The following NPAS3 variants were observed in gnomAD, a reference collection of about 807,000 sequenced individuals.
The protein encoded by NPAS3 is neuronal PAS domain protein 3.
A neutral mutation model predicts 73.1 loss-of-function variants in NPAS3; 14 were observed. The ratio of observed to expected loss-of-function variants is 0.19; its 90% CI spans 0.13 to 0.30. The LOEUF is 0.30. Among genes scored for constraint, NPAS3 ranks in the 10% least tolerant of loss-of-function variants. NPAS3 has a pLI of 1.00. For missense variants in NPAS3, 1,096 were observed against 1,250.0 expected (o/e 0.88, Z 1.86); for synonymous variants, 620 against 541.5 (o/e 1.14, Z -2.01).
Position 33,026,417 on chromosome 14 carries a change from C to T in NPAS3, c.51-29488C>T, listed in dbSNP as rs116426801. 2.9e-3 allele frequency among the ~76,000 whole-genome samples: 444 copies of T among 152,288 alleles called. 4 individuals carry two copies. Among genetic ancestry groups the T allele is most frequent in the African/African-American group, 0.01 (419 of 41,558 alleles). On this transcript the variant is annotated intron_variant, in intron 1 of 11. Transcript: ENST00000356141. ...TCCTCCTTGTATCTGCAGTCTTTGC[C>T]ATAGTTTCTGGTCCAGTAGCTATTC...
At chr14:33,159,982 A>C (rs2044800258) in intron 2 of NPAS3, among the ~76,000 whole-genome samples, 1 of 152,184 alleles carries the variant, frequency 6.6e-6, no homozygotes, top group Non-Finnish European at 1.5e-5. Flanking sequence ...TTAAGACTAA[A>C]CTCAACAAAT....
At chr14:33,416,790 ACTTATG>A (rs1486912259) in intron 4 of NPAS3, among the ~76,000 whole-genome samples, 1 of 151,922 alleles carries the variant, frequency 6.6e-6, no homozygotes, top group East Asian at 1.9e-4. Context: ...TATTTCTACA[ACTTATG>A]CTTTCTACTT....
At chr14:33,119,624 T>C (rs11851667) in intron 2 of NPAS3, among the ~76,000 whole-genome samples, 35,532 of 151,938 alleles carry the variant, frequency 0.23, 4,891 homozygotes, top group Admixed American at 0.41. Context: ...TTAGATGGAG[T>C]GCATAAAATT....
chr14:33,424,754 G>A (rs1313251520), intron 4 of NPAS3, among the ~76,000 whole-genome samples: 1 of 151,780 alleles, frequency 6.6e-6, no homozygotes, highest in Non-Finnish European at 1.5e-5. Context: ...GGAATAGTGA[G>A]CTCCATTGGA....
At chr14:33,032,065 G>A (rs2040014359) in intron 1 of NPAS3, among the ~76,000 whole-genome samples, 1 of 152,308 alleles carries the variant, frequency 6.6e-6, no homozygotes, top group Admixed American at 6.5e-5. Context: ...AGGAGACTAT[G>A]ATAAAGTCTA....
intron 1 of NPAS3, among the ~76,000 whole-genome samples, chr14:32,994,702 G>A (rs1227012336): frequency 1.4e-5 from 2 of 146,516 alleles, no homozygotes; most frequent in African/African-American, 5.2e-5. Context: ...CATGATCTCA[G>A]CTCACTGTAA....
At chr14:33,711,174 T>A (rs1051557113) in intron 6 of NPAS3, among the ~76,000 whole-genome samples, 1 of 152,218 alleles carries the variant, frequency 6.6e-6, no homozygotes, top group Non-Finnish European at 1.5e-5. Flanking sequence ...TAACTGCACA[T>A]TAAAAATTTA....
chr14:33,324,141 A>C (rs529409665), intron 3 of NPAS3, among the ~76,000 whole-genome samples: 1 of 152,276 alleles, frequency 6.6e-6, no homozygotes, highest in East Asian at 1.9e-4. Context: ...CAGTTGCCAA[A>C]ATGGCTGTCC....
chr14:33,744,557 G>A (rs1002740970), intron 7 of NPAS3, among the ~76,000 whole-genome samples: 2 of 152,084 alleles, frequency 1.3e-5, no homozygotes, highest in African/African-American at 4.8e-5. Context: ...GGAGGCGAAG[G>A]TGGGAGGATC....
chr14:33,610,554 A>G (rs1311171031), intron 5 of NPAS3, among the ~76,000 whole-genome samples: 3 of 152,224 alleles, frequency 2.0e-5, no homozygotes, highest in Non-Finnish European at 4.4e-5. Flanking sequence ...GTAATTTACA[A>G]TTCTCTCACC....
chr14:33,764,775 A>G (rs561513015), intron 7 of NPAS3, among the ~76,000 whole-genome samples: 15 of 152,360 alleles, frequency 9.8e-5, no homozygotes, highest in African/African-American at 3.4e-4. Context: ...ACAGTAGTAC[A>G]ATGGGCCTCT....
rs71406561 is a variant in NPAS3, at chr14:33,544,788, T to TTATATATATATATATA, written c.469-15325_469-15310dup. 1.2e-3 allele frequency among the ~76,000 whole-genome samples: 76 copies of TTATATATATATATATA among 63,258 alleles called. 6 individuals are homozygous for TTATATATATATATATA. The highest frequency in any genetic ancestry group is 6.0e-3 in the African/African-American group (70 of 11,578). The allele number at this position is 63,258 out of a possible 152,430, so 41.5% of individuals were successfully genotyped here. On this transcript the variant is annotated intron_variant, in intron 4 of 11. Coordinates refer to ENST00000356141, the Ensembl canonical transcript of NPAS3. Reference sequence around the variant, plus strand: ...GCATGTATGTGTTTATGTGTGTGTATTATATATATATATATATATATATGT... The same window carrying TTATATATATATATATA: ...GCATGTATGTGTTTATGTGTGTGTATTATATATATATATATATATATATATATATATATATATATGT...
intron 3 of NPAS3, among the ~76,000 whole-genome samples, chr14:33,300,283 GT>G (rs1353729956): frequency 6.6e-6 from 1 of 152,172 alleles, no homozygotes; most frequent in Non-Finnish European, 1.5e-5. Flanking sequence ...ACAGTCTGAG[GT>G]TTGCAAGCTG....
intron 5 of NPAS3, among the ~76,000 whole-genome samples, chr14:33,589,090 A>G (rs1595221514): frequency 6.6e-6 from 1 of 152,304 alleles, no homozygotes; most frequent in African/African-American, 2.4e-5. Flanking sequence ...TCATCCCCCA[A>G]AAATTGTGTA....
chr14:33,649,064 T>C (rs1172737584), intron 5 of NPAS3, among the ~76,000 whole-genome samples: 2 of 152,184 alleles, frequency 1.3e-5, no homozygotes, highest in African/African-American at 4.8e-5. Flanking sequence ...TAACTCAAAT[T>C]TGAGTTCATT....
intron 2 of NPAS3, among the ~76,000 whole-genome samples, chr14:33,168,612 T>A (rs2045262071): frequency 6.6e-6 from 1 of 152,208 alleles, no homozygotes; most frequent in South Asian, 2.1e-4. Context: ...GCTATCCCTG[T>A]AGTTGGTGTA....
At chr14:33,163,419 A>G (rs149597737) in intron 2 of NPAS3, among the ~76,000 whole-genome samples, 108 of 152,368 alleles carry the variant, frequency 7.1e-4, no homozygotes, top group African/African-American at 2.3e-3. Context: ...ATGTGCACAC[A>G]GTCGCAAATT....
At chr14:33,076,811 ATT>A (rs1238882101) in intron 2 of NPAS3, among the ~76,000 whole-genome samples, 1 of 152,226 alleles carries the variant, frequency 6.6e-6, no homozygotes, top group African/African-American at 2.4e-5. Flanking sequence ...ACAAAAAAGT[ATT>A]TTCAGCTGAA....
intron 5 of NPAS3, among the ~76,000 whole-genome samples, chr14:33,645,925 G>C (rs1321998070): frequency 2.0e-5 from 3 of 152,240 alleles, no homozygotes; most frequent in Non-Finnish European, 4.4e-5. Context: ...CACACCATGG[G>C]AGCTGGAAGC....
Sources: allele counts gnomAD v4.1 joint callset (sites outside exome capture counted in the v4.1 genomes callset), GRCh38; gene constraint gnomAD v4.1.1; transcripts MANE v1.5; gene names NCBI Gene and HGNC (gene_info 2026-07-23, HGNC 2026-07-21).